The following FSTL5 variants were observed in gnomAD, a reference collection of about 807,000 sequenced individuals.
The protein encoded by FSTL5 is follistatin like 5, also known as follistatin-related protein 5.
FSTL5 carries 62 observed loss-of-function variants against 89.1 expected under a neutral mutation model. The ratio of observed to expected loss-of-function variants is 0.70; its 90% CI spans 0.57 to 0.86. FSTL5 has a LOEUF of 0.86. FSTL5 is among the 40% of genes least tolerant of loss of function. The probability of loss-of-function intolerance (pLI) is 0.00; values close to 1 mark genes in which losing one functional copy is unlikely to be tolerated. For synonymous variants in FSTL5, 383 were observed against 346.2 expected (o/e 1.11, Z -1.18); for missense variants, 1,057 against 1,001.6 (o/e 1.06, Z -0.75).
chr4:162,092,616 A>G (rs1730590923), intron 2 of FSTL5, among the ~76,000 whole-genome samples: 1 of 152,130 alleles, frequency 6.6e-6, no homozygotes, highest in African/African-American at 2.4e-5. Context: ...AAGCTACATT[A>G]TCTAGAAACC....
chr4:161,858,474 G>A (rs17458343), intron 4 of FSTL5, among the ~76,000 whole-genome samples: 7,118 of 152,188 alleles, frequency 0.047, 213 homozygotes, highest in Non-Finnish European at 0.07. Context: ...AGCAAAAGCA[G>A]GCATGATTTC....
intron 3 of FSTL5, among the ~76,000 whole-genome samples, chr4:161,958,396 T>G (rs1425815444): frequency 6.6e-6 from 1 of 152,184 alleles, no homozygotes; most frequent in South Asian, 2.1e-4. Flanking sequence ...TTTGATTTGA[T>G]AGAATGAATT....
At chr4:161,561,412 A>C (rs1464579674) in intron 8 of FSTL5, among the ~76,000 whole-genome samples, 1 of 152,012 alleles carries the variant, frequency 6.6e-6, no homozygotes, top group Non-Finnish European at 1.5e-5. Flanking sequence ...AAATCCACAG[A>C]AAGAGAGAGT....
At chr4:161,534,147 G>T (rs890120031) in intron 10 of FSTL5, among the ~76,000 whole-genome samples, 2 of 152,050 alleles carry the variant, frequency 1.3e-5, no homozygotes, top group African/African-American at 4.8e-5. Context: ...AAAGCTGGAA[G>T]TATTTCTCTT....
intron 6 of FSTL5, among the ~76,000 whole-genome samples, chr4:161,698,680 G>A (rs915694617): frequency 3.3e-5 from 5 of 152,184 alleles, no homozygotes; most frequent in African/African-American, 4.8e-5. Context: ...TGTAATCCCA[G>A]CACTTTGGGA....
chr4:162,112,781 A>T (rs1016217698), intron 1 of FSTL5, among the ~76,000 whole-genome samples: 18 of 127,756 alleles, frequency 1.4e-4, no homozygotes, highest in African/African-American at 4.8e-4. Context: ...ACAATCACAC[A>T]CACACACACA....
intron 4 of FSTL5, among the ~76,000 whole-genome samples, chr4:161,881,838 T>G (rs1732645245): frequency 6.6e-6 from 1 of 152,164 alleles, no homozygotes; most frequent in South Asian, 2.1e-4. Context: ...AATTTGGGCC[T>G]TAAAAGACTT....
At chr4:161,436,111 T>C (rs982280505) in intron 15 of FSTL5, among the ~76,000 whole-genome samples, 3 of 152,108 alleles carry the variant, frequency 2.0e-5, no homozygotes, top group Non-Finnish European at 4.4e-5. Flanking sequence ...TACTTATCCT[T>C]TTAAAGGAGG....
chr4:161,590,128 A>C (rs1047782930), intron 7 of FSTL5, among the ~76,000 whole-genome samples: 1 of 152,212 alleles, frequency 6.6e-6, no homozygotes, highest in African/African-American at 2.4e-5. Flanking sequence ...TTTGCTGCTC[A>C]AAAGACATCA....
chr4:161,887,421 ATCTATCATCTAT>A (rs1732845876), intron 4 of FSTL5, among the ~76,000 whole-genome samples: 1 of 30,452 alleles, frequency 3.3e-5, no homozygotes, highest in African/African-American at 8.8e-5. Flanking sequence ...CTATCTATCT[ATCTATCATCTAT>A]CTACCTATCA....
intron 7 of FSTL5, among the ~76,000 whole-genome samples, chr4:161,603,220 T>C (rs539761658): frequency 3.8e-4 from 58 of 152,152 alleles, no homozygotes; most frequent in Non-Finnish European, 7.8e-4. Flanking sequence ...TTCAGACCAT[T>C]GCAATCAAGT....
At chr4:161,573,762 A>G (rs1578936645) in intron 8 of FSTL5, among the ~76,000 whole-genome samples, 1 of 150,476 alleles carries the variant, frequency 6.6e-6, no homozygotes, top group African/African-American at 2.4e-5. Flanking sequence ...AAAAAAGAAA[A>G]GAAAATGAAA....
At chr4:161,805,144 T>C (rs1237345520) in intron 4 of FSTL5, among the ~76,000 whole-genome samples, 1 of 152,120 alleles carries the variant, frequency 6.6e-6, no homozygotes, top group African/African-American at 2.4e-5. Flanking sequence ...CCAATGTCAA[T>C]AGCTACTTTC....
At chr4:161,916,959 T>G (rs922339523) in intron 4 of FSTL5, among the ~76,000 whole-genome samples, 1 of 152,184 alleles carries the variant, frequency 6.6e-6, no homozygotes, top group Non-Finnish European at 1.5e-5. Context: ...TTTTCTTTTT[T>G]TCTTTTGAGA....
intron 15 of FSTL5, among the ~76,000 whole-genome samples, chr4:161,392,389 C>T (rs1025119575): frequency 5.3e-5 from 8 of 151,950 alleles, no homozygotes; most frequent in Admixed American, 1.3e-4. Flanking sequence ...ACATGCCTTG[C>T]TAATTTTCGT....
intron 4 of FSTL5, among the ~76,000 whole-genome samples, chr4:161,792,419 A>AGG (rs1729508931): frequency 6.6e-6 from 1 of 152,098 alleles, no homozygotes; most frequent in East Asian, 1.9e-4. Context: ...GGGTGGAAAG[A>AGG]AGCTGGTGTC....
At chr4:161,887,184 A>G (rs905402771) in intron 4 of FSTL5, among the ~76,000 whole-genome samples, 1 of 152,168 alleles carries the variant, frequency 6.6e-6, no homozygotes, top group Non-Finnish European at 1.5e-5. Flanking sequence ...CAGTTATTTA[A>G]GCACAAATAA....
chr4:161,860,721 T>G (rs1196668967), intron 4 of FSTL5, among the ~76,000 whole-genome samples: 1 of 152,194 alleles, frequency 6.6e-6, no homozygotes, highest in Non-Finnish European at 1.5e-5. Context: ...TTATTTTTTA[T>G]AGACCATCTC....
chr4:161,920,739 G>T, intron 3 of FSTL5, 87 bp from the exon 4 acceptor site: 1 of 1,326,628 alleles, frequency 7.5e-7, no homozygotes, highest in Non-Finnish European at 1.0e-6. Flanking sequence ...GAAAACAAGT[G>T]TTCTAAGAAA....
Sources: gnomAD v4.1 joint callset for allele counts (sites outside exome capture counted in the v4.1 genomes callset) on GRCh38, gnomAD v4.1.1 for gene constraint, MANE v1.5 for transcripts, NCBI Gene and HGNC (gene_info 2026-07-23, HGNC 2026-07-21) for gene names.